Variants in SPEN observed in about 807,000 individuals in gnomAD.
SPEN encodes the protein spen family transcriptional repressor, also known as msx2-interacting protein.
In SPEN, 18 loss-of-function variants were observed where a neutral mutation model predicts 269.9. The observed-to-expected ratio is 0.07, with a 90% CI of 0.05 to 0.10. The LOEUF is 0.10. SPEN is among the 10% of genes least tolerant of loss of function. The pLI, the probability that SPEN is intolerant of heterozygous loss-of-function variation, is 1.00. For synonymous variants in SPEN, 1,726 were observed against 1,765.7 expected, an observed-to-expected ratio of 0.98 and a Z score of 0.56; for missense variants, 3,822 against 4,631.2, an observed-to-expected ratio of 0.83 and a Z score of 5.07.
intron 3 of SPEN, among the ~76,000 whole-genome samples, chr1:15,908,819 C>T (rs1033990572): frequency 6.6e-6 from 1 of 152,068 alleles, no homozygotes; most frequent in African/African-American, 2.4e-5. Flanking sequence ...TTTAGAAATA[C>T]TATTTTCATT....
rs1283332189 is a variant in SPEN at position 15,931,111 on chromosome 1, C to T, written c.4871C>T (p.Pro1624Leu). The change falls in exon 11 of 15, where the codon CCT (proline) becomes CTT (leucine). Residue 1624 changes from proline to leucine, a missense_variant. Around this residue, in one of 16 missense-constraint regions of SPEN, gnomAD observed 533 missense variants for 618.8 expected, o/e 0.86. Coordinates refer to ENST00000375759, the MANE Select transcript of SPEN (RefSeq NM_015001.3). This position sits in a 1 kb window ranked among gnomAD's most constrained non-coding sequence, Gnocchi z 4.8. ...ENHPKTPESA[P>L]ENKDSELKTP... ...CATCCCAAGACCCCAGAATCTGCTC[C>T]TGAGAATAAAGATTCAGAACTGAAA... is the stretch of plus-strand genomic sequence containing the variant. The T allele has an allele frequency of 4.3e-6, 7 of 1,614,194 alleles. No individual in the cohort carries two copies. Among genetic ancestry groups the T allele is most frequent in the Non-Finnish European group, 5.1e-6 (6 of 1,180,046 alleles).
chr1:15,866,972 A>G (rs1311627361), intron 1 of SPEN, among the ~76,000 whole-genome samples: 1 of 152,218 alleles, frequency 6.6e-6, no homozygotes, highest in African/African-American at 2.4e-5. Context: ...TTTTTGAAAG[A>G]TAACAGTTTT....
At chr1:15,874,782 G>GA (rs2148711364) in intron 2 of SPEN, among the ~76,000 whole-genome samples, 1 of 152,248 alleles carries the variant, frequency 6.6e-6, no homozygotes, top group South Asian at 2.1e-4. Context: ...GTAAATAAAA[G>GA]AGAAACTCAT....
intron 1 of SPEN, among the ~76,000 whole-genome samples, chr1:15,861,195 G>A (rs2070444772): frequency 6.7e-6 from 1 of 149,926 alleles, no homozygotes; most frequent in Non-Finnish European, 1.5e-5. Context: ...TGCAGATGGT[G>A]TGGTCTCGGC....
chr1:15,882,690 C>T (rs776536612), intron 3 of SPEN, among the ~76,000 whole-genome samples: 8 of 152,000 alleles, frequency 5.3e-5, no homozygotes, highest in East Asian at 1.9e-4. Context: ...TGCCATGAGC[C>T]GAGGAATGCA....
At chr1:15,892,000 TG>T (rs2070794204) in intron 3 of SPEN, among the ~76,000 whole-genome samples, 1 of 146,640 alleles carries the variant, frequency 6.8e-6, no homozygotes. Context: ...TAATTACATC[TG>T]TTTCTTTTTA....
intron 5 of SPEN, among the ~76,000 whole-genome samples, chr1:15,914,744 A>G (rs1027779884): frequency 6.6e-6 from 1 of 152,112 alleles, no homozygotes; most frequent in Non-Finnish European, 1.5e-5. Flanking sequence ...GAATTGCTTG[A>G]ACCCAGGAGG....
chr1:15,855,990 CTTTTTT>C (rs1553173874), intron 1 of SPEN, among the ~76,000 whole-genome samples: 20 of 28,244 alleles, frequency 7.1e-4, no homozygotes, highest in African/African-American at 1.8e-3. Context: ...GATGCTAGAA[CTTTTTT>C]TTTTTTTTTT....
chr1:15,902,942 G>A (rs1028600274), intron 3 of SPEN, among the ~76,000 whole-genome samples: 10 of 151,872 alleles, frequency 6.6e-5, no homozygotes, highest in Non-Finnish European at 1.2e-4. Context: ...TTGGTTAAAT[G>A]TCTTTTAGTC....
At chr1:15,915,992 G>C in intron 5 of SPEN, 136 bp from the exon 6 acceptor site, 1 of 983,780 alleles carries the variant, frequency 1.0e-6, no homozygotes, top group Non-Finnish European at 1.4e-6. Flanking sequence ...AGGTGTTTAT[G>C]ATATTTCAGT....
chr1:15,929,043 G>C lies in SPEN; in HGVS notation c.2803G>C (p.Val935Leu). The change falls in exon 11 of 15, where the codon GTT becomes CTT. Residue 935 changes from valine to leucine, a missense_variant. Physicochemically the swap from Val to Leu is conservative, Grantham distance 32 (BLOSUM62 1). Transcript: ENST00000375759. The surrounding 1 kb of genome is among the most constrained non-coding windows in gnomAD (Gnocchi z 5.8). ...AKSDLSKLES[V>L]RMKVPKEKGL... ...ATCTGACTTGTCTAAACTGGAATCA[G>C]TTAGAATGAAAGTACCAAAGGAAAA... 1 of 1,614,174 alleles carries C rather than the reference G, an allele frequency of 6.2e-7. No homozygotes were observed. Among genetic ancestry groups the C allele is most frequent in the Non-Finnish European group, 8.5e-7 (1 of 1,180,040 alleles).
intron 1 of SPEN, among the ~76,000 whole-genome samples, chr1:15,854,338 T>G (rs1303618217): frequency 2.0e-5 from 3 of 152,178 alleles, no homozygotes; most frequent in Non-Finnish European, 4.4e-5. Flanking sequence ...GTAGTTAAAT[T>G]AACAATCTTC....
intron 1 of SPEN, among the ~76,000 whole-genome samples, chr1:15,850,506 CT>C (rs747977837): frequency 1.4e-4 from 22 of 152,108 alleles, no homozygotes; most frequent in Non-Finnish European, 2.6e-4. Flanking sequence ...ATCTCCACCC[CT>C]GACCCTGGAA....
In SPEN at chr1:15,929,494, A is replaced by G; in HGVS notation, c.3254A>G (p.Gln1085Arg). 1 of 1,613,408 alleles carries G rather than the reference A, an allele frequency of 6.2e-7. No individual in the cohort carries two copies. Among genetic ancestry groups the G allele is most frequent in the African/African-American group, 1.3e-5 (1 of 74,908 alleles). Reference protein sequence around the residue: ...GSGSRPSSDLQARLGELAGES... With the variant: ...GSGSRPSSDLRARLGELAGES... ...GGCTCAAGGCCCAGCTCAGACCTAC[A>G]AGCAAGACTGGGAGAACTAGCAGGT... Residue 1085 changes from glutamine to arginine, a missense_variant, in exon 11 of 15, where the codon CAA (glutamine) becomes CGA (arginine). Physicochemically the swap from Gln to Arg is conservative, Grantham distance 43. Around this residue, in one of 16 missense-constraint regions of SPEN, gnomAD observed 572 missense variants for 582.6 expected, o/e 0.98. Coordinates refer to ENST00000375759, the MANE Select transcript of SPEN (RefSeq NM_015001.3). The surrounding 1 kb of genome is among the most constrained non-coding windows in gnomAD (Gnocchi z 5.8).
intron 3 of SPEN, among the ~76,000 whole-genome samples, chr1:15,887,602 A>T (rs1419809845): frequency 1.3e-5 from 2 of 151,514 alleles, no homozygotes; most frequent in African/African-American, 4.9e-5. Context: ...GCCGAAAAAA[A>T]TTTTTAATGT....
At chr1:15,877,580 G>A (rs2070644243) in intron 3 of SPEN, among the ~76,000 whole-genome samples, 1 of 151,990 alleles carries the variant, frequency 6.6e-6, no homozygotes, top group Non-Finnish European at 1.5e-5. Context: ...AGTTTTATTT[G>A]AAAAGCGAAA....
intron 5 of SPEN, 94 bp from the exon 6 acceptor site, chr1:15,916,034 C>T (rs1376415060): frequency 3.6e-6 from 5 of 1,388,758 alleles, no homozygotes; most frequent in South Asian, 1.5e-5. Context: ...TTATTTCAGA[C>T]ATTTTGTTTT....
chr1:15,885,549 C>A (rs995148324), intron 3 of SPEN, among the ~76,000 whole-genome samples: 2 of 152,094 alleles, frequency 1.3e-5, no homozygotes, highest in Non-Finnish European at 2.9e-5. Context: ...TATGCTCTTT[C>A]CTTAAAATAT....
chr1:15,915,649 C>G (rs996117805), intron 5 of SPEN, among the ~76,000 whole-genome samples: 2 of 152,136 alleles, frequency 1.3e-5, no homozygotes, highest in African/African-American at 4.8e-5. Context: ...ATTCTCCCAC[C>G]TCCGCTTCCC....
Sources: gnomAD v4.1 joint callset for allele counts (sites outside exome capture counted in the v4.1 genomes callset) on GRCh38, gnomAD v4.1.1 for gene constraint, gnomAD v4.1.1 regional missense constraint, Gnocchi (gnomAD v3.1) non-coding constraint, MANE v1.5 for transcripts, NCBI Gene and HGNC (gene_info 2026-07-23, HGNC 2026-07-21) for gene names.